Variants in C4orf50 observed in about 807,000 individuals in gnomAD.
The protein encoded by C4orf50 is uncharacterized protein C4orf50.
In C4orf50, 80 loss-of-function variants were observed where a neutral mutation model predicts 77.2. The ratio of observed to expected loss-of-function variants is 1.04; its 90% CI spans 0.87 to 1.25. C4orf50 has a LOEUF of 1.25. C4orf50 is among the 50% of genes most tolerant of loss of function. The pLI is 0.00. For synonymous variants in C4orf50, 532 were observed against 465.3 expected, an observed-to-expected ratio of 1.14 and a Z score of -1.84; for missense variants, 1,257 against 1,152.9, an observed-to-expected ratio of 1.09 and a Z score of -1.31.
intron 33 of C4orf50, among the ~76,000 whole-genome samples, chr4:5,963,417 G>A (rs1201602508): frequency 6.6e-6 from 1 of 151,896 alleles, no homozygotes; most frequent in East Asian, 1.9e-4. Flanking sequence ...TTAAAATGAA[G>A]TTTACCCATC....
At chr4:5,928,126 A>G (rs775648940) in intron 7 of C4orf50, among the ~76,000 whole-genome samples, 2 of 152,190 alleles carry the variant, frequency 1.3e-5, no homozygotes, top group Admixed American at 6.5e-5. Context: ...TAAAGGGTAA[A>G]TGTTCATAAT....
intron 25 of C4orf50, 142 bp from the exon 4 acceptor site, chr4:5,994,618 G>A (rs1721478285): frequency 2.5e-6 from 1 of 397,524 alleles, no homozygotes; most frequent in Non-Finnish European, 4.4e-6. Context: ...AGGGCAGAGA[G>A]CTCACAGCCT....
rs1721102405 is a variant in C4orf50 at position 5,989,234 on chromosome 4, TTC to T, written c.2810_2811del (p.Arg937LysfsTer6). The T allele has an allele frequency of 4.6e-6, 7 of 1,535,934 alleles. No individual in the cohort carries two copies. The highest frequency in any genetic ancestry group is 1.4e-5 in the African/African-American group (1 of 73,022). ...TTGGTGTTGTCATGTAAAATCTGGC[TTC>T]TCTGTTTCTTCAATCCAGAAATGAG... is the stretch of plus-strand genomic sequence containing the variant. On this transcript the variant is annotated frameshift_variant, in exon 28 of 34. Transcript: ENST00000531445. LOFTEE classifies it high-confidence loss of function.
At chr4:5,964,767 C>CAAAAAAAA (rs71171498) in intron 33 of C4orf50, among the ~76,000 whole-genome samples, 1 of 107,982 alleles carries the variant, frequency 9.3e-6, no homozygotes, top group African/African-American at 3.7e-5. Context: ...GACTCTGTCT[C>CAAAAAAAA]AAAAAAAAAA....
chr4:5,938,795 C>CT (rs5855874), intron 7 of C4orf50, among the ~76,000 whole-genome samples: 61 of 149,844 alleles, frequency 4.1e-4, no homozygotes, highest in South Asian at 8.4e-4. Flanking sequence ...TTTTTCTTTT[C>CT]TTTTTTTTTT....
chr4:5,904,655 G>A (rs551004955), intron 7 of C4orf50: 1 of 152,306 alleles, frequency 6.6e-6, no homozygotes, highest in East Asian at 1.9e-4. Flanking sequence ...CCGAGACTAG[G>A]GGTGCTTGGC....
rs1224533128 is a variant in C4orf50 at position 5,970,674 on chromosome 4, C to T, written c.4104+2985G>A. Reference sequence around the variant, plus strand: ...AGGACAAGAAAAGAAAATGGAAATACAAAGACTCAGTCACGTGCAGGGAGG... The same window carrying T: ...AGGACAAGAAAAGAAAATGGAAATATAAAGACTCAGTCACGTGCAGGGAGG... On this transcript the variant is annotated intron_variant, in intron 31 of 33. Coordinates refer to ENST00000531445, the Ensembl canonical transcript of C4orf50. The surrounding 1 kb of genome is among the most constrained non-coding windows in gnomAD (Gnocchi z 4.3). 6.6e-6 allele frequency among the ~76,000 whole-genome samples: 1 copy of T among 152,320 alleles called. No homozygotes were observed. The highest frequency in any genetic ancestry group is 1.9e-4 in the East Asian group (1 of 5,170).
Position 6,018,245 on chromosome 4 carries a change from T to C in C4orf50, c.187A>G (p.Met63Val), listed in dbSNP as rs985431394. 1 of 398,914 alleles carries C rather than the reference T, an allele frequency of 2.5e-6. No individual in the cohort carries two copies. Among genetic ancestry groups the C allele is most frequent in the Non-Finnish European group, 4.4e-6 (1 of 226,084 alleles). The allele number at this position is 398,914 out of a possible 1,614,324, so 24.7% of individuals were successfully genotyped here. A position where few individuals can be genotyped will look rare whatever the true frequency, so the allele number is the denominator to read the frequency against. ...TGCCTCCTGAGCGCACCCATATCCATGTCTGGGCGGCCAGCTGCTTCTTCC... is the reference window on the plus strand; with the variant it reads ...TGCCTCCTGAGCGCACCCATATCCACGTCTGGGCGGCCAGCTGCTTCTTCC... The change falls in exon 23 of 34, where the codon ATG becomes GTG. Residue 63 changes from methionine (M) to valine (V), a missense_variant. Met to Val is a conservative substitution (Grantham distance 21). Transcript: ENST00000531445. This position sits in a 1 kb window ranked among gnomAD's most constrained non-coding sequence, Gnocchi z 5.1.
At chr4:5,943,160 C>A (rs1023270264) in intron 7 of C4orf50, among the ~76,000 whole-genome samples, 1 of 152,182 alleles carries the variant, frequency 6.6e-6, no homozygotes, top group Admixed American at 6.5e-5. Context: ...CATTTGGCCT[C>A]GTTCCTCACA....
rs1027977950 is a variant in C4orf50, at chr4:5,905,753, T to C, written c.*2475-7565A>G. 5.3e-5 allele frequency among the ~76,000 whole-genome samples: 8 copies of C among 152,268 alleles called. No homozygotes were observed. Among genetic ancestry groups the C allele is most frequent in the African/African-American group, 1.4e-4 (6 of 41,474 alleles). Reference sequence around the variant, plus strand: ...ATGCACATTCTGTAGAGAGGGTTTCTAGCTTTCAGGAGCCTCTCAAAGGGG... The same window carrying C: ...ATGCACATTCTGTAGAGAGGGTTTCCAGCTTTCAGGAGCCTCTCAAAGGGG... On this transcript the variant is annotated intron_variant, in intron 7 of 7. Coordinates refer to the C4orf50 transcript ENST00000324058. This position sits in a 1 kb window ranked among gnomAD's most constrained non-coding sequence, Gnocchi z 5.4.
intron 31 of C4orf50, among the ~76,000 whole-genome samples, chr4:5,972,750 G>A (rs1373303178): frequency 4.6e-5 from 7 of 152,234 alleles, no homozygotes; most frequent in Non-Finnish European, 7.3e-5. Flanking sequence ...TGTGTTTACC[G>A]TGGGAGCTGG....
chr4:6,012,263 T>A (rs1722524354), intron 23 of C4orf50, among the ~76,000 whole-genome samples: 1 of 152,152 alleles, frequency 6.6e-6, no homozygotes, highest in Non-Finnish European at 1.5e-5. Context: ...GCACCTGAGC[T>A]TGAGTCATTT....
exon 34 of C4orf50, chr4:5,957,294 G>A (rs1394555857): frequency 1.3e-5 from 2 of 152,296 alleles, no homozygotes; most frequent in African/African-American, 4.8e-5. Flanking sequence ...GAGACCAGAT[G>A]TGGTGGCACC....
intron 29 of C4orf50, among the ~76,000 whole-genome samples, chr4:5,979,549 G>A (rs950676258): frequency 6.6e-6 from 1 of 152,238 alleles, no homozygotes. Context: ...AGGTTGAGGA[G>A]AAGGAAAGCT....
At chr4:5,915,786 C>T (rs965272936) in intron 7 of C4orf50, among the ~76,000 whole-genome samples, 13 of 152,206 alleles carry the variant, frequency 8.5e-5, no homozygotes, top group South Asian at 6.2e-4. Context: ...CTAAGCATCT[C>T]CTGCCTGACT....
At chr4:5,995,474 A>AACACACAC (rs55858229) in intron 25 of C4orf50, among the ~76,000 whole-genome samples, 11,608 of 133,888 alleles carry the variant, frequency 0.087, 638 homozygotes, top group East Asian at 0.14. Flanking sequence ...TGGGACTGGA[A>AACACACAC]ACACACACAC....
chr4:5,963,902 C>A (rs1021766818), intron 33 of C4orf50, among the ~76,000 whole-genome samples: 2 of 152,186 alleles, frequency 1.3e-5, no homozygotes, highest in African/African-American at 4.8e-5. Context: ...GAACTCAGAT[C>A]TGCCAGACCC....
chr4:5,988,239 A>C, intron 28 of C4orf50, 108 bp downstream of exon 6: 7 of 1,382,838 alleles, frequency 5.1e-6, no homozygotes, highest in Non-Finnish European at 6.9e-6. Context: ...AGTGGGGAGG[A>C]TGATTGTACC....
At chr4:5,962,419 TC>T (rs1560566803) in intron 33 of C4orf50, among the ~76,000 whole-genome samples, 1 of 152,246 alleles carries the variant, frequency 6.6e-6, no homozygotes, top group East Asian at 1.9e-4. Context: ...TTTTGGTTTA[TC>T]CATTCATGCA....
Sources: allele counts gnomAD v4.1 joint callset (sites outside exome capture counted in the v4.1 genomes callset), GRCh38; gene constraint gnomAD v4.1.1; non-coding constraint Gnocchi (gnomAD v3.1); transcripts MANE v1.5; gene names NCBI Gene and HGNC (gene_info 2026-07-23, HGNC 2026-07-21).